The following RECQL5 variants were observed in gnomAD, a reference collection of about 807,000 sequenced individuals.
The protein encoded by RECQL5 is RecQ like helicase 5.
A neutral mutation model predicts 103.4 loss-of-function variants in RECQL5; 88 were observed. The observed-to-expected ratio is 0.85, with a 90% confidence interval of 0.72 to 1.02. RECQL5 has a LOEUF of 1.02. Ranked by LOEUF, RECQL5 falls within the 50% of genes least tolerant of loss-of-function variation. The pLI is 0.00. For synonymous variants in RECQL5, 552 were observed against 507.9 expected, an observed-to-expected ratio of 1.09 and a Z score of -1.17; for missense variants, 1,232 against 1,284.3, an observed-to-expected ratio of 0.96 and a Z score of 0.62.
intron 8 of RECQL5, chr17:75,647,488 C>T: frequency 6.4e-7 from 1 of 1,550,390 alleles, no homozygotes; most frequent in Non-Finnish European, 8.7e-7. Context: ...TGTCCTGCTT[C>T]TCATCTTATT....
rs374442408 is a variant in RECQL5 at position 75,662,938 on chromosome 17, G to C, written c.312C>G (p.Leu104=). 2.5e-6 allele frequency: 4 copies of C among 1,614,076 alleles called. No individual in the cohort carries two copies. Among genetic ancestry groups the C allele is most frequent in the East Asian group, 2.2e-5 (1 of 44,880 alleles). The change falls in exon 4 of 20, where the codon CTC becomes CTG. Residue 104 remains leucine (L), a synonymous_variant. Coordinates refer to ENST00000317905, the MANE Select transcript of RECQL5 (RefSeq NM_004259.7). ...KVRVSSLNSK[L]SAQERKELLA... Reference sequence around the variant, plus strand: ...GCAGCTCCTTCCTTTCCTGTGCAGAGAGCTTCGAGTTCAGGGAACTTACTC... The same window carrying C: ...GCAGCTCCTTCCTTTCCTGTGCAGACAGCTTCGAGTTCAGGGAACTTACTC...
At chr17:75,631,378 G>A (rs902340656) in intron 9 of RECQL5, 72 bp downstream of exon 9, 30 of 1,556,172 alleles carry the variant, frequency 1.9e-5, no homozygotes, top group Non-Finnish European at 2.5e-5. Flanking sequence ...TGCCACCTCT[G>A]GTCTGGCCCT....
chr17:75,628,742 T>C lies in RECQL5; in HGVS notation c.2510A>G (p.Gln837Arg). Reference sequence around the variant, plus strand: ...GGTGGGCTGGACTTCAGGGGTGCCCTGGTCTCTGGGCGGGCAGGTGCTGGT... The same window carrying C: ...GGTGGGCTGGACTTCAGGGGTGCCCCGGTCTCTGGGCGGGCAGGTGCTGGT... The part of the protein sequence containing the change: ...ERPSTCPPRD[Q>R]GTPEVQPTPA... Residue 837 changes from glutamine to arginine, a missense_variant, in exon 17 of 20, where the codon CAG becomes CGG. By Grantham distance (43) the Gln-to-Arg change is conservative. Transcript: ENST00000317905. The C allele has an allele frequency of 6.3e-7, 1 of 1,592,804 alleles. No individual in the cohort carries two copies. Among genetic ancestry groups the C allele is most frequent in the Non-Finnish European group, 8.5e-7 (1 of 1,174,858 alleles).
intron 7 of RECQL5, among the ~76,000 whole-genome samples, chr17:75,657,917 A>G (rs1379780061): frequency 6.6e-6 from 1 of 151,964 alleles, no homozygotes. Flanking sequence ...GCATGGTGGC[A>G]TGCACCTGTA....
intron 7 of RECQL5, among the ~76,000 whole-genome samples, chr17:75,657,911 G>A (rs2059647034): frequency 6.6e-6 from 1 of 152,028 alleles, no homozygotes; most frequent in Non-Finnish European, 1.5e-5. Flanking sequence ...AGCTGGGCAT[G>A]GTGGCATGCA....
Position 75,640,323 on chromosome 17 carries a change from T to G in RECQL5, c.1230-8655A>C, listed in dbSNP as rs945984227. The G allele has an allele frequency of 6.8e-5, 106 of 1,547,738 alleles. 1 individual carries two copies. The highest frequency in any genetic ancestry group is 3.3e-4 in the Middle Eastern group (2 of 6,004). On this transcript the variant is annotated intron_variant, in intron 8 of 19. Transcript: ENST00000317905. The surrounding 1 kb of genome is among the most constrained non-coding windows in gnomAD (Gnocchi z 4.6). ...GTGGCCTTCTCAGTCATCATCCTTT[T>G]CACAGGTTAGTTGGGGCACTCAGCA...
chr17:75,651,569 A>G (rs1183981857), intron 7 of RECQL5, among the ~76,000 whole-genome samples: 1 of 152,226 alleles, frequency 6.6e-6, no homozygotes, highest in African/African-American at 2.4e-5. Flanking sequence ...GGTTTCAGCA[A>G]GCTGAGATCA....
chr17:75,663,106 T>C, intron 3 of RECQL5, 109 bp from the exon 4 acceptor site: 6 of 1,064,688 alleles, frequency 5.6e-6, no homozygotes, highest in Non-Finnish European at 8.2e-6. Context: ...CACCCTCCAA[T>C]ATATATTCTC....
chr17:75,630,521 G>A, intron 13 of RECQL5, 98 bp downstream of exon 13: 7 of 1,287,326 alleles, frequency 5.4e-6, no homozygotes, highest in Non-Finnish European at 6.7e-6. Flanking sequence ...ACAATCTGGG[G>A]AGAGGTGGCC....
chr17:75,628,909 A>G, intron 16 of RECQL5, 25 bp downstream of exon 16: 8 of 1,581,654 alleles, frequency 5.1e-6, no homozygotes, highest in Non-Finnish European at 6.0e-6. Flanking sequence ...GTTCCAGAAG[A>G]TTCTATGACT....
rs1240904917 is a variant in RECQL5, at chr17:75,628,741, C to T, written c.2511G>A (p.Gln837=). Residue 837 remains glutamine (Q), a synonymous_variant, in exon 17 of 20, where the codon CAG becomes CAA. Transcript: ENST00000317905. ...GGGTGGGCTGGACTTCAGGGGTGCC[C>T]TGGTCTCTGGGCGGGCAGGTGCTGG... ...ERPSTCPPRD[Q]GTPEVQPTPA... 3.8e-6 allele frequency: 6 copies of T among 1,592,686 alleles called. No individual in the cohort carries two copies. The highest frequency in any genetic ancestry group is 5.1e-6 in the Non-Finnish European group (6 of 1,174,864).
At chr17:75,666,696 A>G in intron 1 of RECQL5, 125 bp from the exon 2 acceptor site, 1 of 926,750 alleles carries the variant, frequency 1.1e-6, no homozygotes, top group South Asian at 1.8e-5. Flanking sequence ...TATTATTTTT[A>G]AGTAATAAAG....
At position 75,627,253 on chromosome 17, in the gene RECQL5, AC is replaced by A; in HGVS notation, c.*168del. ...TGCAAGCAGAAAGAAAGGTGGGCTGACCTCTGACCTGGATTCAGGGGGTGTC... is the reference window on the plus strand; with the variant it reads ...TGCAAGCAGAAAGAAAGGTGGGCTGACTCTGACCTGGATTCAGGGGGTGTC... On this transcript the variant is annotated 3_prime_UTR_variant, in exon 20 of 20. Coordinates refer to ENST00000317905, the MANE Select transcript of RECQL5 (RefSeq NM_004259.7). The A allele has an allele frequency of 1.5e-6, 1 of 689,622 alleles. No individual in the cohort carries two copies. Among genetic ancestry groups the A allele is most frequent in the Non-Finnish European group, 2.6e-6 (1 of 380,214 alleles). 42.7% of individuals were successfully genotyped at this position (689,622 alleles called of 1,614,324 possible). A position where few individuals can be genotyped will look rare whatever the true frequency, so the allele number is the denominator to read the frequency against.
At chr17:75,665,206 T>C (rs764078003) in intron 2 of RECQL5, 34 bp from the exon 3 acceptor site, 1 of 1,581,128 alleles carries the variant, frequency 6.3e-7, no homozygotes. Flanking sequence ...ATCTCAGTGC[T>C]TCCTGCCTTT....
intron 8 of RECQL5, 89 bp from the exon 9 acceptor site, chr17:75,631,757 G>T: frequency 2.2e-6 from 3 of 1,346,222 alleles, no homozygotes; most frequent in Non-Finnish European, 1.0e-6. Flanking sequence ...AGCTGAGCGA[G>T]CACTGCCGCG....
chr17:75,627,344 G>A lies in RECQL5; in HGVS notation c.*78C>T, dbSNP rs1016431374. 4 of 1,069,828 alleles carry A rather than the reference G, an allele frequency of 3.7e-6. No individual in the cohort carries two copies. The highest frequency in any genetic ancestry group is 3.5e-5 in the Admixed American group (2 of 57,754). 66.3% of individuals were successfully genotyped at this position (1,069,828 alleles called of 1,614,324 possible). A position where few individuals can be genotyped will look rare whatever the true frequency, so the allele number is the denominator to read the frequency against. ...AGGACTGAGAAAAGACGATGGCCCT[G>A]GCATCAGCAGGTGAGGCCCAGGATG... On this transcript the variant is annotated 3_prime_UTR_variant, in exon 20 of 20. Coordinates refer to ENST00000317905, the MANE Select transcript of RECQL5 (RefSeq NM_004259.7).
chr17:75,632,918 G>A (rs1189317387), intron 8 of RECQL5, among the ~76,000 whole-genome samples: 2 of 152,238 alleles, frequency 1.3e-5, no homozygotes, highest in African/African-American at 4.8e-5. Flanking sequence ...CCCAGTGTGA[G>A]CACTGCTGCG....
At chr17:75,635,821 AAC>A in intron 8 of RECQL5, 1 of 985,386 alleles carries the variant, frequency 1.0e-6, no homozygotes, top group Middle Eastern at 5.2e-4. Flanking sequence ...ATCAGTCTCA[AAC>A]ACGCCGCCTG....
At position 75,633,575 on chromosome 17, in the gene RECQL5, G is replaced by A. The variant is rs1180017900; in HGVS notation, c.1230-1907C>T. The A allele has an allele frequency of 1.0e-5, 13 of 1,251,494 alleles. No individual in the cohort carries two copies. The East Asian group carries it at 5.8e-4, about 56-fold the overall frequency. The allele number at this position is 1,251,494 out of a possible 1,614,324, so 77.5% of individuals were successfully genotyped here. On this transcript the variant is annotated intron_variant, in intron 8 of 19. Transcript: ENST00000317905. ...CTGAGCGGCACAAGGGCCTCCCCAGGGACTGGTTGCAAAGCCTCCTGCTCA... is the reference window on the plus strand; with the variant it reads ...CTGAGCGGCACAAGGGCCTCCCCAGAGACTGGTTGCAAAGCCTCCTGCTCA...
Sources: gnomAD v4.1 joint callset for allele counts (sites outside exome capture counted in the v4.1 genomes callset) on GRCh38, gnomAD v4.1.1 for gene constraint, Gnocchi (gnomAD v3.1) non-coding constraint, MANE v1.5 for transcripts, NCBI Gene and HGNC (gene_info 2026-07-23, HGNC 2026-07-21) for gene names.